The following BBS9 variants were observed in gnomAD, a reference collection of about 807,000 sequenced individuals.
BBS9 encodes the protein Bardet-Biedl syndrome 9, also known as protein PTHB1.
Under a neutral mutation model 117.7 loss-of-function variants are expected in BBS9, and 89 were observed. The observed-to-expected ratio is 0.76, with a 90% CI of 0.64 to 0.90. BBS9 has a LOEUF of 0.90. BBS9 is among the 40% of genes least tolerant of loss of function. BBS9 has a pLI of 0.00. For synonymous variants in BBS9, 379 were observed against 370.9 expected (o/e 1.02, Z -0.25); for missense variants, 982 against 1,042.2 (o/e 0.94, Z 0.80).
intron 20 of BBS9, among the ~76,000 whole-genome samples, chr7:33,527,651 A>C (rs577033381): frequency 6.6e-6 from 1 of 151,946 alleles, no homozygotes; most frequent in African/African-American, 2.4e-5. Flanking sequence ...ACTGTCTGGC[A>C]CTCCCTAGTG....
chr7:33,359,417 G>A (rs1431900520), intron 16 of BBS9, among the ~76,000 whole-genome samples: 1 of 151,958 alleles, frequency 6.6e-6, no homozygotes, highest in Non-Finnish European at 1.5e-5. Flanking sequence ...AAGCTTAGAT[G>A]ACTTATCCAT....
At chr7:33,342,248 G>A (rs575728845) in intron 11 of BBS9, among the ~76,000 whole-genome samples, 1 of 152,192 alleles carries the variant, frequency 6.6e-6, no homozygotes, top group Admixed American at 6.5e-5. Context: ...ACCCAGCTGA[G>A]TCACATAGTA....
intron 21 of BBS9, among the ~76,000 whole-genome samples, chr7:33,566,273 T>A (rs892424937): frequency 6.9e-6 from 1 of 144,840 alleles, no homozygotes; most frequent in African/African-American, 2.5e-5. Flanking sequence ...AAAAGATGTC[T>A]GTACTTTTGC....
At chr7:33,425,942 G>A (rs1329245349) in intron 19 of BBS9, among the ~76,000 whole-genome samples, 2 of 152,178 alleles carry the variant, frequency 1.3e-5, no homozygotes, top group Non-Finnish European at 2.9e-5. Context: ...CTAAACAAAT[G>A]TGGATCTAAT....
chr7:33,533,054 C>G (rs528287478), intron 20 of BBS9, among the ~76,000 whole-genome samples: 56 of 152,224 alleles, frequency 3.7e-4, no homozygotes, highest in African/African-American at 1.3e-3. Context: ...AAGATCTTAC[C>G]CAGTTATTCC....
chr7:33,627,493 C>G (rs2129226827), intron 21 of BBS9, among the ~76,000 whole-genome samples: 1 of 152,286 alleles, frequency 6.6e-6, no homozygotes, highest in African/African-American at 2.4e-5. Context: ...AGAGGTCCAC[C>G]ATCCTCCAGA....
rs568745985 is a variant in BBS9 at position 33,219,958 on chromosome 7, C to T, written c.443-37278C>T. 1.1e-4 allele frequency among the ~76,000 whole-genome samples: 16 copies of T among 152,260 alleles called. No individual in the cohort carries two copies. In the East Asian group the frequency reaches 1.7e-3, roughly 17 times the overall value. On this transcript the variant is annotated intron_variant, in intron 5 of 22. Transcript: ENST00000242067. Reference sequence around the variant, plus strand: ...TTCTGCAGCTTCACTCCTGAGCTAGCGAGACCATGAACCCACCAGAAGGAA... The same window carrying T: ...TTCTGCAGCTTCACTCCTGAGCTAGTGAGACCATGAACCCACCAGAAGGAA...
At chr7:33,264,500 G>A in intron 7 of BBS9, 126 bp downstream of exon 7, 2 of 556,848 alleles carry the variant, frequency 3.6e-6, no homozygotes, top group South Asian at 3.3e-5. Flanking sequence ...CCTATATTAT[G>A]GTTATATTAA....
chr7:33,349,972 T>G (rs1818325747), intron 13 of BBS9, among the ~76,000 whole-genome samples: 1 of 152,182 alleles, frequency 6.6e-6, no homozygotes, highest in Admixed American at 6.5e-5. Flanking sequence ...CAAGGTTGTT[T>G]TGAGGATTTG....
At chr7:33,208,327 A>C (rs2128221623) in intron 5 of BBS9, among the ~76,000 whole-genome samples, 1 of 152,142 alleles carries the variant, frequency 6.6e-6, no homozygotes, top group South Asian at 2.1e-4. Context: ...TGATAAACAA[A>C]CCTCTGTCTC....
intron 5 of BBS9, among the ~76,000 whole-genome samples, chr7:33,187,548 C>T (rs546480166): frequency 6.6e-6 from 1 of 152,348 alleles, no homozygotes; most frequent in South Asian, 2.1e-4. Context: ...ATCCCCTCAT[C>T]CATTCGATGC....
chr7:33,371,683 G>T (rs1236323971), intron 17 of BBS9, among the ~76,000 whole-genome samples: 3 of 152,028 alleles, frequency 2.0e-5, no homozygotes, highest in Admixed American at 2.0e-4. Context: ...AGACTTTGTA[G>T]ATTTGTTAGT....
At chr7:33,313,193 CT>C (rs531790035) in intron 9 of BBS9, among the ~76,000 whole-genome samples, 34 of 151,554 alleles carry the variant, frequency 2.2e-4, no homozygotes, top group Admixed American at 3.9e-4. Context: ...CCCTCACTGT[CT>C]GATTTTTTTG....
At chr7:33,561,598 G>A (rs546012082) in intron 21 of BBS9, among the ~76,000 whole-genome samples, 8 of 152,226 alleles carry the variant, frequency 5.3e-5, no homozygotes, top group South Asian at 4.2e-4. Flanking sequence ...AAAATATGCC[G>A]TGCATCCACC....
chr7:33,479,108 A>G (rs1842184622), intron 19 of BBS9, among the ~76,000 whole-genome samples: 1 of 151,922 alleles, frequency 6.6e-6, no homozygotes, highest in Non-Finnish European at 1.5e-5. Flanking sequence ...TCCAACTTTA[A>G]TTTTAGGTTC....
chr7:33,384,616 T>G (rs2128750228), intron 18 of BBS9, among the ~76,000 whole-genome samples: 1 of 152,112 alleles, frequency 6.6e-6, no homozygotes, highest in African/African-American at 2.4e-5. Context: ...AAGAGGGGAA[T>G]TTTGAGAGAA....
intron 9 of BBS9, among the ~76,000 whole-genome samples, chr7:33,296,614 AG>A (rs1433588464): frequency 9.9e-5 from 15 of 152,174 alleles, no homozygotes; most frequent in Non-Finnish European, 2.2e-4. Context: ...AAACACTTGC[AG>A]GGTTCATTAC....
chr7:33,405,060 G>A (rs930794270), intron 19 of BBS9, among the ~76,000 whole-genome samples: 4 of 152,300 alleles, frequency 2.6e-5, no homozygotes, highest in Non-Finnish European at 4.4e-5. Flanking sequence ...ATGAAGTGTT[G>A]TTGAATTTTG....
In BBS9 at chr7:33,455,641, A is replaced by G. The variant is rs1023051386; in HGVS notation, c.2116-49822A>G. Among the ~76,000 whole-genome samples, 13 of 152,278 alleles carry G rather than the reference A, an allele frequency of 8.5e-5. No individual in the cohort carries two copies. The East Asian group carries it at 2.5e-3, about 29-fold the overall frequency. On this transcript the variant is annotated intron_variant, in intron 19 of 22. Transcript: ENST00000242067. ...CCAATGATTAACAGGTGACTATGGC[A>G]TTAGAGGCTGGAAAACCATCAATGG...
Sources: gnomAD v4.1 joint callset for allele counts (sites outside exome capture counted in the v4.1 genomes callset) on GRCh38, gnomAD v4.1.1 for gene constraint, MANE v1.5 for transcripts, NCBI Gene and HGNC (gene_info 2026-07-23, HGNC 2026-07-21) for gene names.